Variants in STK32B observed in about 807,000 individuals in gnomAD.
STK32B encodes the protein serine/threonine kinase 32B.
Under a neutral mutation model 52.6 loss-of-function variants are expected in STK32B, and 43 were observed. The ratio of observed to expected loss-of-function variants is 0.82; its 90% confidence interval spans 0.64 to 1.05. STK32B has a LOEUF of 1.05. STK32B is among the 50% of genes least tolerant of loss of function. The pLI, the probability that STK32B is intolerant of heterozygous loss-of-function variation, is 0.00. For synonymous variants in STK32B, 238 were observed against 204.3 expected, an observed-to-expected ratio of 1.17 and a Z score of -1.41; for missense variants, 621 against 534.6, an observed-to-expected ratio of 1.16 and a Z score of -1.59.
intron 3 of STK32B, among the ~76,000 whole-genome samples, chr4:5,185,349 G>C (rs1343227889): frequency 1.3e-5 from 2 of 152,172 alleles, no homozygotes; most frequent in East Asian, 3.9e-4. Flanking sequence ...GGGCAATGTA[G>C]GTTTCTAGAA....
chr4:5,099,432 CTG>C (rs746438820), intron 1 of STK32B, among the ~76,000 whole-genome samples: 13 of 138,866 alleles, frequency 9.4e-5, no homozygotes, highest in East Asian at 5.1e-4. Flanking sequence ...CTGCAGTCCT[CTG>C]TGTGTGTGTG....
Position 5,467,876 on chromosome 4 carries a change from G to A in STK32B, c.1042-130G>A. 1.0e-6 allele frequency: 1 copy of A among 1,001,644 alleles called. No individual in the cohort carries two copies. Among genetic ancestry groups the A allele is most frequent in the East Asian group, 2.4e-5 (1 of 41,372 alleles). 62.0% of individuals were successfully genotyped at this position (1,001,644 alleles called of 1,614,324 possible). ...AGTCAGGGTCAGCCCCAGACACTTA[G>A]CTTGGCTTGTCCCGGTCCCAAGCAT... On this transcript the variant is annotated intron_variant, in intron 10 of 11. Transcript: ENST00000282908. This position sits in a 1 kb window ranked among gnomAD's most constrained non-coding sequence, Gnocchi z 5.8.
intron 3 of STK32B, among the ~76,000 whole-genome samples, chr4:5,271,303 G>T (rs1287314203): frequency 6.6e-6 from 1 of 152,092 alleles, no homozygotes. Flanking sequence ...GGATAAACAT[G>T]TAAAAAAATT....
Position 5,499,059 on chromosome 4 carries a change from C to T in STK32B, c.1221C>T (p.Thr407=). The T allele has an allele frequency of 1.2e-6, 2 of 1,612,810 alleles. No homozygotes were observed. Among genetic ancestry groups the T allele is most frequent in the Non-Finnish European group, 1.7e-6 (2 of 1,179,264 alleles). Residue 407 remains threonine (T), a synonymous_variant, in exon 12 of 12, where the codon ACC becomes ACT. Transcript: ENST00000282908. The stretch of plus-strand genomic sequence containing the variant: ...GCAACAACAACCTCCTCACCCACAC[C>T]TGCACCCGTGGCTGCAGCAGCTGAG... ...DGCNNNLLTH[T]CTRGCSS is the part of the protein sequence containing the mutation.
intron 3 of STK32B, among the ~76,000 whole-genome samples, chr4:5,205,448 A>T (rs902990582): frequency 2.0e-5 from 3 of 152,270 alleles, no homozygotes; most frequent in African/African-American, 7.2e-5. Flanking sequence ...TCCAAAGACA[A>T]GGCAAGGTCC....
At chr4:5,187,228 A>G (rs1720814496) in intron 3 of STK32B, among the ~76,000 whole-genome samples, 1 of 152,162 alleles carries the variant, frequency 6.6e-6, no homozygotes, top group Admixed American at 6.5e-5. Context: ...CCGCACCACA[A>G]CACAGCACCT....
intron 4 of STK32B, among the ~76,000 whole-genome samples, chr4:5,391,477 T>A (rs1366740316): frequency 6.6e-6 from 1 of 152,182 alleles, no homozygotes; most frequent in Non-Finnish European, 1.5e-5. Context: ...TGGGTAGACA[T>A]GAATTTTGCA....
At chr4:5,137,179 G>A (rs904360654) in intron 1 of STK32B, among the ~76,000 whole-genome samples, 9 of 152,192 alleles carry the variant, frequency 5.9e-5, no homozygotes, top group Non-Finnish European at 1.2e-4. Context: ...GCCAAGGAAT[G>A]TAACTCAGGA....
chr4:5,140,441 T>A (rs1258432755), intron 2 of STK32B: 21 of 328,538 alleles, frequency 6.4e-5, no homozygotes, highest in South Asian at 3.9e-4. Context: ...TACTCAGAAA[T>A]TTTTTTTTTT....
At chr4:5,195,240 A>T (rs186729265) in intron 3 of STK32B, among the ~76,000 whole-genome samples, 15 of 152,244 alleles carry the variant, frequency 9.9e-5, no homozygotes, top group African/African-American at 3.4e-4. Flanking sequence ...TTGATTTGCC[A>T]ATATATTCTT....
chr4:5,139,721 G>T lies in STK32B; in HGVS notation c.53-184G>T, dbSNP rs1716288132. 4 of 609,850 alleles carry T rather than the reference G, an allele frequency of 6.6e-6. No individual in the cohort carries two copies. In the Admixed American group the frequency reaches 1.1e-4, roughly 17 times the overall value. The allele number at this position is 609,850 out of a possible 1,614,324, so 37.8% of individuals were successfully genotyped here. A position where few individuals can be genotyped will look rare whatever the true frequency, so the allele number is the denominator to read the frequency against. ...CTTCAGATGGACAATTTGTGTGCTGGGGAAAAAATGGAATGTGCTGCAAAT... is the reference window on the plus strand; with the variant it reads ...CTTCAGATGGACAATTTGTGTGCTGTGGAAAAAATGGAATGTGCTGCAAAT... On this transcript the variant is annotated intron_variant, in intron 1 of 11. Coordinates refer to ENST00000282908, the MANE Select transcript of STK32B (RefSeq NM_018401.3).
intron 6 of STK32B, among the ~76,000 whole-genome samples, chr4:5,418,837 C>A (rs1712386750): frequency 6.6e-6 from 1 of 152,176 alleles, no homozygotes; most frequent in Non-Finnish European, 1.5e-5. Context: ...CCTAAAACCG[C>A]CTGGAGGAGT....
chr4:5,031,158 T>C, the STK32B span, among the ~76,000 whole-genome samples: 83,380 of 151,926 alleles, frequency 0.55, 23,357 homozygotes, highest in East Asian at 0.88. Context: ...ACCCACATTA[T>C]GGAGTGTCAT....
At chr4:5,472,131 G>T (rs1469085500) in intron 11 of STK32B, among the ~76,000 whole-genome samples, 1 of 152,182 alleles carries the variant, frequency 6.6e-6, no homozygotes, top group Non-Finnish European at 1.5e-5. Flanking sequence ...TGTCAGCCCT[G>T]CAGGACAAAT....
intron 3 of STK32B, among the ~76,000 whole-genome samples, chr4:5,183,625 A>G (rs1437663824): frequency 6.6e-6 from 1 of 152,228 alleles, no homozygotes; most frequent in Non-Finnish European, 1.5e-5. Flanking sequence ...CAGAACACAC[A>G]CAACATTTAT....
intron 3 of STK32B, among the ~76,000 whole-genome samples, chr4:5,246,832 G>A (rs1725488300): frequency 6.6e-6 from 1 of 152,192 alleles, no homozygotes; most frequent in South Asian, 2.1e-4. Flanking sequence ...GTTTACTGGA[G>A]GTCCACTTCA....
At chr4:5,235,046 C>G (rs1469677227) in intron 3 of STK32B, among the ~76,000 whole-genome samples, 4 of 152,138 alleles carry the variant, frequency 2.6e-5, no homozygotes, top group African/African-American at 9.7e-5. Context: ...GTTAAGTAAA[C>G]CAGAACATTT....
intron 2 of STK32B, among the ~76,000 whole-genome samples, chr4:5,164,764 C>T (rs1420676963): frequency 1.3e-5 from 2 of 152,246 alleles, no homozygotes; most frequent in African/African-American, 2.4e-5. Context: ...TTAAGCCCTG[C>T]TCAGGAGTAG....
intron 3 of STK32B, among the ~76,000 whole-genome samples, chr4:5,223,700 C>T (rs937992130): frequency 2.6e-5 from 4 of 151,634 alleles, no homozygotes; most frequent in Non-Finnish European, 5.9e-5. Context: ...ACCTGTAGTC[C>T]CAGCTACTTG....
Sources: allele counts gnomAD v4.1 joint callset (sites outside exome capture counted in the v4.1 genomes callset), GRCh38; gene constraint gnomAD v4.1.1; non-coding constraint Gnocchi (gnomAD v3.1); transcripts MANE v1.5; gene names NCBI Gene and HGNC (gene_info 2026-07-23, HGNC 2026-07-21).